MAP3K14: variants seen among roughly 807,000 people sequenced by gnomAD.
MAP3K14 encodes the protein mitogen-activated protein kinase kinase kinase 14.
A neutral mutation model predicts 99.2 loss-of-function variants in MAP3K14; 16 were observed. The observed-to-expected ratio is 0.16, with a 90% confidence interval of 0.11 to 0.24. MAP3K14 has a LOEUF of 0.24. Among genes scored for constraint, MAP3K14 ranks in the 10% least tolerant of loss-of-function variants. The pLI is 1.00. For missense variants in MAP3K14, 784 were observed against 1,208.7 expected (o/e 0.65, Z 5.21); for synonymous variants, 462 against 492.4 (o/e 0.94, Z 0.82).
chr17:45,296,376 TTAGCCAGGCATGGTGGCACACGCCTG>T, intron 1 of MAP3K14, among the ~76,000 whole-genome samples: 1 of 152,034 alleles, frequency 6.6e-6, no homozygotes, highest in South Asian at 2.1e-4. Flanking sequence ...AATTAAAAAA[TTAGCCAGGCATGGTGGCACACGCCTG>T]TAGTCCTAGC....
intron 1 of MAP3K14, among the ~76,000 whole-genome samples, chr17:45,294,132 A>C (rs1468005198): frequency 6.6e-6 from 1 of 152,214 alleles, no homozygotes; most frequent in Non-Finnish European, 1.5e-5. Context: ...CACTCTCCTC[A>C]GCTTATTCAC....
intron 14 of MAP3K14, among the ~76,000 whole-genome samples, chr17:45,266,079 A>C (rs1025524522): frequency 1.3e-5 from 2 of 152,252 alleles, no homozygotes; most frequent in African/African-American, 4.8e-5. Flanking sequence ...GCAAAGCCAC[A>C]TCATAACCTA....
In MAP3K14 at chr17:45,266,310, A is replaced by G. The variant is rs567068801; in HGVS notation, c.2578+227T>C. On this transcript the variant is annotated intron_variant, in intron 14 of 15. Transcript: ENST00000344686. The stretch of plus-strand genomic sequence containing the variant: ...CCTTCTGGGACTCCATCAACTGACA[A>G]TGAGGGGATAATGGTCCCTCACTGC... 6.6e-5 allele frequency: 31 copies of G among 469,626 alleles called. No individual in the cohort carries two copies. In the East Asian group the frequency reaches 9.8e-4, roughly 15 times the overall value. The allele number at this position is 469,626 out of a possible 1,614,324, so 29.1% of individuals were successfully genotyped here.
rs142232310 is a variant in MAP3K14, at chr17:45,279,850, G to C, written c.1290+4962C>G. On this transcript the variant is annotated intron_variant, in intron 6 of 15. Transcript: ENST00000344686. ...AGGGGCTACCACAGTACTGTGCACA[G>C]ATGTCCAATGAATATTAGAGGGTCC... Among the ~76,000 whole-genome samples, 217 of 152,334 alleles carry C rather than the reference G, an allele frequency of 1.4e-3. 4 individuals are homozygous for C. Among genetic ancestry groups the C allele is most frequent in the African/African-American group, 5.0e-3 (207 of 41,556 alleles).
At chr17:45,310,091 A>T (rs61576457) in intron 1 of MAP3K14, among the ~76,000 whole-genome samples, 4,529 of 147,184 alleles carry the variant, frequency 0.031, 190 homozygotes, top group African/African-American at 0.094. Context: ...CTGGAGTGCA[A>T]TGGTGGATCT....
At position 45,272,184 on chromosome 17, in the gene MAP3K14, G is replaced by A. The variant is rs886301543; in HGVS notation, c.1658-963C>T. Among the ~76,000 whole-genome samples, 1 of 151,934 alleles carries A rather than the reference G, an allele frequency of 6.6e-6. No homozygotes were observed. The highest frequency in any genetic ancestry group is 2.4e-5 in the African/African-American group (1 of 41,362). On this transcript the variant is annotated intron_variant, in intron 9 of 15. Transcript: ENST00000344686. This position sits in a 1 kb window ranked among gnomAD's most constrained non-coding sequence, Gnocchi z 4.1. ...CTACAAAAAACATAAAAATTGAGCCGGACATGGTGGTACATGCTGTGGTCC... is the reference window on the plus strand; with the variant it reads ...CTACAAAAAACATAAAAATTGAGCCAGACATGGTGGTACATGCTGTGGTCC...
In MAP3K14 at chr17:45,267,181, G is replaced by A. The variant is rs1277796326; in HGVS notation, c.2344C>T (p.Leu782=). The part of the protein sequence containing the change: ...QLEIELFLNS[L]SQPFSLEEQE... Reference sequence around the variant, plus strand: ...TCCTCCAGAGAAAATGGCTGGGACAGGCTGTTGAGGAATAATTCTGCAGGG... The same window carrying A: ...TCCTCCAGAGAAAATGGCTGGGACAAGCTGTTGAGGAATAATTCTGCAGGG... The change falls in exon 13 of 16, where the codon CTG becomes TTG. Residue 782 remains leucine, a synonymous_variant. Transcript: ENST00000344686. This position sits in a 1 kb window ranked among gnomAD's most constrained non-coding sequence, Gnocchi z 5.1. The A allele has an allele frequency of 6.3e-7, 1 of 1,596,128 alleles. No individual in the cohort carries two copies. The highest frequency in any genetic ancestry group is 8.5e-7 in the Non-Finnish European group (1 of 1,171,052).
rs887777630 is a variant in MAP3K14, at chr17:45,267,930, G to A, written c.1973-171C>T. On this transcript the variant is annotated intron_variant, in intron 11 of 15. Coordinates refer to ENST00000344686, the MANE Select transcript of MAP3K14 (RefSeq NM_003954.5). This position sits in a 1 kb window ranked among gnomAD's most constrained non-coding sequence, Gnocchi z 5.1. ...AGAGGGCAGCATGGTGGTCTCCACA[G>A]GAGACTTCCTCAATAAAATGGTCCC... 1.0e-5 allele frequency: 6 copies of A among 580,952 alleles called. No homozygotes were observed. Among genetic ancestry groups the A allele is most frequent in the Admixed American group, 3.6e-5 (1 of 27,918 alleles). 36.0% of individuals were successfully genotyped at this position (580,952 alleles called of 1,614,324 possible).
chr17:45,277,132 A>C (rs908587658), intron 6 of MAP3K14, among the ~76,000 whole-genome samples: 3 of 151,910 alleles, frequency 2.0e-5, no homozygotes, highest in African/African-American at 7.3e-5. Context: ...ACGGCCTCTT[A>C]GGCTTCTTCT....
intron 11 of MAP3K14, among the ~76,000 whole-genome samples, chr17:45,269,948 G>A (rs1013115883): frequency 1.3e-5 from 2 of 152,206 alleles, no homozygotes; most frequent in African/African-American, 4.8e-5. Context: ...AGGTAAACAC[G>A]TGGGCCTGAG....
chr17:45,304,078 T>C (rs2044413258), intron 1 of MAP3K14, among the ~76,000 whole-genome samples: 1 of 151,194 alleles, frequency 6.6e-6, no homozygotes, highest in Non-Finnish European at 1.5e-5. Flanking sequence ...AGCAGCCCAT[T>C]CTTGGCTCAC....
intron 1 of MAP3K14, among the ~76,000 whole-genome samples, chr17:45,302,715 G>A (rs1260284100): frequency 6.6e-6 from 1 of 152,254 alleles, no homozygotes; most frequent in Admixed American, 6.5e-5. Context: ...TTATAAATAT[G>A]TGATGAGCTG....
In MAP3K14 at chr17:45,267,976, G is replaced by A. The variant is rs758640798; in HGVS notation, c.1973-217C>T. 1 of 482,626 alleles carries A rather than the reference G, an allele frequency of 2.1e-6. No individual in the cohort carries two copies. Among genetic ancestry groups the A allele is most frequent in the Non-Finnish European group, 3.6e-6 (1 of 277,402 alleles). The allele number at this position is 482,626 out of a possible 1,614,324, so 29.9% of individuals were successfully genotyped here. ...GTCCCAATATGACAGGGATAGGACTGGATTTCTGTCTTTGATTCTGTTTTT... is the reference window on the plus strand; with the variant it reads ...GTCCCAATATGACAGGGATAGGACTAGATTTCTGTCTTTGATTCTGTTTTT... On this transcript the variant is annotated intron_variant, in intron 11 of 15. Coordinates refer to ENST00000344686, the MANE Select transcript of MAP3K14 (RefSeq NM_003954.5). This position sits in a 1 kb window ranked among gnomAD's most constrained non-coding sequence, Gnocchi z 5.1.
Position 45,286,494 on chromosome 17 carries a change from C to A in MAP3K14, c.1089G>T (p.Arg363Ser). Residue 363 changes from arginine to serine, a missense_variant, in exon 5 of 16, where the codon AGG becomes AGT. By Grantham distance (110) the Arg-to-Ser change is moderately radical (BLOSUM62 -1). Coordinates refer to ENST00000344686, the MANE Select transcript of MAP3K14 (RefSeq NM_003954.5). The surrounding 1 kb of genome is among the most constrained non-coding windows in gnomAD (Gnocchi z 4.1). ...LTSLAKTWAA[R>S]GSRSREPSPK... ...GGCTGGGCTCCCGGGATCTGGAGCC[C>A]CTTGCTGCCCAGGTCTTGGCCAGGC... 1 of 1,605,114 alleles carries A rather than the reference C, an allele frequency of 6.2e-7. No individual in the cohort carries two copies. Among genetic ancestry groups the A allele is most frequent in the Non-Finnish European group, 8.5e-7 (1 of 1,175,726 alleles).
intron 3 of MAP3K14, among the ~76,000 whole-genome samples, chr17:45,287,663 G>A (rs540912550): frequency 6.6e-6 from 1 of 152,372 alleles, no homozygotes; most frequent in Admixed American, 6.5e-5. Context: ...AGCTGTGCTT[G>A]TTACTATGGT....
chr17:45,306,767 C>T (rs894797241), intron 1 of MAP3K14, among the ~76,000 whole-genome samples: 23 of 152,180 alleles, frequency 1.5e-4, no homozygotes, highest in African/African-American at 5.1e-4. Context: ...ATGGTATTTT[C>T]AATTCAACCT....
At chr17:45,305,121 G>A (rs896586494) in intron 1 of MAP3K14, among the ~76,000 whole-genome samples, 3 of 151,802 alleles carry the variant, frequency 2.0e-5, no homozygotes, top group Non-Finnish European at 2.9e-5. Context: ...TTTTTGAGAC[G>A]GAGTCTTGCT....
chr17:45,286,103 C>T lies in MAP3K14; in HGVS notation c.1152+328G>A, dbSNP rs2044262322. On this transcript the variant is annotated intron_variant, in intron 5 of 15. Transcript: ENST00000344686. This position sits in a 1 kb window ranked among gnomAD's most constrained non-coding sequence, Gnocchi z 4.1. ...AGGAGGTGGGTGGTGAAAACAGGTC[C>T]CATCCTCATCTTCCGTCTCTGGGGG... Among the ~76,000 whole-genome samples the T allele has an allele frequency of 6.6e-6, 1 of 151,920 alleles. No individual in the cohort carries two copies. Among genetic ancestry groups the T allele is most frequent in the African/African-American group, 2.4e-5 (1 of 41,374 alleles).
chr17:45,280,979 A>G (rs745759442), intron 6 of MAP3K14, among the ~76,000 whole-genome samples: 1 of 152,216 alleles, frequency 6.6e-6, no homozygotes, highest in Non-Finnish European at 1.5e-5. Flanking sequence ...TGACTAGGAT[A>G]AGAACTTCTA....
Sources: allele counts gnomAD v4.1 joint callset (sites outside exome capture counted in the v4.1 genomes callset), GRCh38; gene constraint gnomAD v4.1.1; non-coding constraint Gnocchi (gnomAD v3.1); transcripts MANE v1.5; gene names NCBI Gene and HGNC (gene_info 2026-07-23, HGNC 2026-07-21).